The following POU2AF1 variants were observed in gnomAD, a reference collection of about 807,000 sequenced individuals.
The protein encoded by POU2AF1 is POU domain class 2-associating factor 1.
A neutral mutation model predicts 26.3 loss-of-function variants in POU2AF1; 12 were observed. That is an observed-to-expected ratio of 0.46 (90% CI 0.29 to 0.74). The LOEUF (loss-of-function observed/expected upper bound fraction) is 0.74, where lower values mean the gene tolerates loss of function less well. Among genes scored for constraint, POU2AF1 ranks in the 30% least tolerant of loss-of-function variants. The pLI, the probability that POU2AF1 is intolerant of heterozygous loss-of-function variation, is 0.09. For synonymous variants in POU2AF1, 175 were observed against 148.0 expected (o/e 1.18, Z -1.32); for missense variants, 297 against 334.5 (o/e 0.89, Z 0.87).
chr11:111,356,341 T>C (rs1254339911), intron 4 of POU2AF1, among the ~76,000 whole-genome samples: 1 of 152,156 alleles, frequency 6.6e-6, no homozygotes, highest in African/African-American at 2.4e-5. Context: ...GTTTGCTGGG[T>C]AGGCAGGTGG....
chr11:111,358,344 T>TCACA (rs1489593290), intron 2 of POU2AF1, among the ~76,000 whole-genome samples: 43 of 52,864 alleles, frequency 8.1e-4, no homozygotes, highest in Middle Eastern at 7.9e-3. Flanking sequence ...ACTCTCACAC[T>TCACA]CTCACACTCA....
At chr11:111,365,305 A>G (rs1861084153) in intron 1 of POU2AF1, among the ~76,000 whole-genome samples, 2 of 152,200 alleles carry the variant, frequency 1.3e-5, no homozygotes, top group South Asian at 4.1e-4. Context: ...GACATTGGAG[A>G]AAGGGAGTGG....
intron 4 of POU2AF1, among the ~76,000 whole-genome samples, chr11:111,356,738 T>C (rs1447200043): frequency 6.6e-6 from 1 of 152,190 alleles, no homozygotes; most frequent in Non-Finnish European, 1.5e-5. Context: ...AACTAACATA[T>C]ATTAGTGGTT....
rs1161459332 is a variant in POU2AF1, at chr11:111,354,212, C to T, written c.*49G>A. ...TGAACCTGGGGCTCAATTCCAGGCT[C>T]ATTTTAAAATCCCAGTTTCAGGGAA... On this transcript the variant is annotated 3_prime_UTR_variant, in exon 5 of 5. Coordinates refer to ENST00000393067, the MANE Select transcript of POU2AF1 (RefSeq NM_006235.3). The T allele has an allele frequency of 3.8e-6, 6 of 1,588,480 alleles. No individual in the cohort carries two copies. The African/African-American group carries it at 6.8e-5, about 18-fold the overall frequency.
chr11:111,366,610 G>A (rs1350039560), intron 1 of POU2AF1, among the ~76,000 whole-genome samples: 1 of 152,126 alleles, frequency 6.6e-6, no homozygotes, highest in Non-Finnish European at 1.5e-5. Flanking sequence ...CTTCCCATCA[G>A]CCCTGAAGAT....
chr11:111,377,900 T>A (rs1490660143), intron 1 of POU2AF1: 1 of 178,922 alleles, frequency 5.6e-6, no homozygotes, highest in African/African-American at 2.4e-5. Context: ...TTCCTAGTTA[T>A]CTTGGAAGGA....
rs1362647375 is a variant in POU2AF1, at chr11:111,363,536, G to A, written c.17-4618C>T. On this transcript the variant is annotated intron_variant, in intron 1 of 4. Transcript: ENST00000393067. ...AGCCCACAAATACAAATTTGGGAGA[G>A]GAAAAAAGTTTGTCTAAAATCACGG... is the stretch of plus-strand genomic sequence containing the variant. 4.1e-6 allele frequency: 4 copies of A among 965,848 alleles called. No homozygotes were observed. The African/African-American group carries it at 7.0e-5, about 17-fold the overall frequency. 59.8% of individuals were successfully genotyped at this position (965,848 alleles called of 1,614,324 possible). A position where few individuals can be genotyped will look rare whatever the true frequency, so the allele number is the denominator to read the frequency against.
In POU2AF1 at chr11:111,357,680, A is replaced by G. The variant is rs999737457; in HGVS notation, c.221T>C (p.Val74Ala). 1.9e-6 allele frequency: 3 copies of G among 1,613,140 alleles called. No homozygotes were observed. The highest frequency in any genetic ancestry group is 2.7e-5 in the African/African-American group (2 of 74,914). The stretch of plus-strand genomic sequence containing the variant: ...GGCAGCCTCCTCTGTCACTGCAGAC[A>G]CAGAACCTTCCATGTCCAGGCAGGA... ...GPSCLDMEGS[V>A]SAVTEEAALC... is the part of the protein sequence containing the mutation. The change falls in exon 4 of 5, where the codon GTG (valine) becomes GCG (alanine). Residue 74 changes from valine (V) to alanine (A), a missense_variant. Physicochemically the swap from Val to Ala is moderately conservative, Grantham distance 64 (BLOSUM62 0). Coordinates refer to ENST00000393067, the MANE Select transcript of POU2AF1 (RefSeq NM_006235.3).
At chr11:111,356,460 G>A (rs537717393) in intron 4 of POU2AF1, among the ~76,000 whole-genome samples, 3 of 152,312 alleles carry the variant, frequency 2.0e-5, no homozygotes, top group African/African-American at 7.2e-5. Context: ...GAGACAAGGT[G>A]GACCAAAGCA....
At chr11:111,378,269 C>G (rs7107388) in intron 1 of POU2AF1, among the ~76,000 whole-genome samples, 102,946 of 151,658 alleles carry the variant, frequency 0.68, 35,722 homozygotes, top group Admixed American at 0.78. Flanking sequence ...TTAATTAAAA[C>G]GAATTTTAAG....
chr11:111,352,596 C>G lies in POU2AF1; in HGVS notation c.*1665G>C, dbSNP rs1178180713. The G allele has an allele frequency of 5.6e-6, 1 of 179,744 alleles. No individual in the cohort carries two copies. The highest frequency in any genetic ancestry group is 1.2e-5 in the Non-Finnish European group (1 of 83,966). The allele number at this position is 179,744 out of a possible 1,614,324, so 11.1% of individuals were successfully genotyped here. ...TGTTTGCGTGGAGGGGGCCTTGGTT[C>G]CACAGAATGGTGGCTTATGGACGCT... On this transcript the variant is annotated 3_prime_UTR_variant, in exon 5 of 5. Transcript: ENST00000393067.
intron 1 of POU2AF1, among the ~76,000 whole-genome samples, chr11:111,367,383 A>T (rs1051998672): frequency 6.6e-6 from 1 of 152,086 alleles, no homozygotes; most frequent in African/African-American, 2.4e-5. Flanking sequence ...TTTGACACTA[A>T]TGATTGCAGA....
At chr11:111,363,532 G>A (rs767892457) in intron 1 of POU2AF1, 15 of 975,780 alleles carry the variant, frequency 1.5e-5, no homozygotes, top group African/African-American at 1.7e-5. Flanking sequence ...ACAAATTTGG[G>A]AGAGGAAAAA....
intron 1 of POU2AF1, among the ~76,000 whole-genome samples, chr11:111,372,051 C>CAGAG (rs1374875953): frequency 0.016 from 1,586 of 101,524 alleles, 24 homozygotes; most frequent in Non-Finnish European, 0.019. Context: ...CACACACACA[C>CAGAG]ACACACACAC....
In POU2AF1 at chr11:111,357,570, G is replaced by A. The variant is rs1860872240; in HGVS notation, c.331C>T (p.His111Tyr). The A allele has an allele frequency of 6.2e-7, 1 of 1,614,154 alleles. No individual in the cohort carries two copies. Among genetic ancestry groups the A allele is most frequent in the Non-Finnish European group, 8.5e-7 (1 of 1,180,002 alleles). ...PWTPYTEYVP[H>Y]EAVSCPYSAD... Reference sequence around the variant, plus strand: ...GAGTAGGGGCAGCTGACAGCTTCATGGGGCACATACTCGGTGTAAGGTGTC... The same window carrying A: ...GAGTAGGGGCAGCTGACAGCTTCATAGGGCACATACTCGGTGTAAGGTGTC... Residue 111 changes from histidine to tyrosine, a missense_variant, in exon 4 of 5, where the codon CAT becomes TAT. By Grantham distance (83) the His-to-Tyr change is moderately conservative (BLOSUM62 2). Transcript: ENST00000393067.
In POU2AF1 at chr11:111,357,839, T is replaced by G; in HGVS notation, c.148-2A>C. On this transcript the variant is annotated splice_acceptor_variant, in intron 2 of 4. Coordinates refer to ENST00000393067, the MANE Select transcript of POU2AF1 (RefSeq NM_006235.3). LOFTEE classifies it high-confidence loss of function. ...CAGGGGCTGATGGGGCAGCACCACC[T>G]AGAGGGGAGAGGAGAAGACCAGGGT... 2 of 1,606,910 alleles carry G rather than the reference T, an allele frequency of 1.2e-6. No individual in the cohort carries two copies. The highest frequency in any genetic ancestry group is 1.7e-5 in the Admixed American group (1 of 58,284).
intron 2 of POU2AF1, among the ~76,000 whole-genome samples, chr11:111,358,049 G>T (rs1405130625): frequency 6.6e-6 from 1 of 152,104 alleles, no homozygotes; most frequent in Non-Finnish European, 1.5e-5. Flanking sequence ...CGCTCAGGGA[G>T]CTGGTGTCTT....
Position 111,352,991 on chromosome 11 carries a change from AAAGAAGGAAGGAAG to A in POU2AF1, c.*1256_*1269del, listed in dbSNP as rs1860759950. On this transcript the variant is annotated 3_prime_UTR_variant, in exon 5 of 5. Transcript: ENST00000393067. ...GAAGGAAGGAAGGAAGGAAGGAAGG[AAAGAAGGAAGGAAG>A]GAAGGAAGGAAGGAAGGAAGGAAGG... is the stretch of plus-strand genomic sequence containing the variant. 4.2e-5 allele frequency: 3 copies of A among 71,784 alleles called. No homozygotes were observed. The highest frequency in any genetic ancestry group is 2.6e-4 in the African/African-American group (3 of 11,402). The allele number at this position is 71,784 out of a possible 1,614,324, so 4.4% of individuals were successfully genotyped here.
chr11:111,367,080 G>A (rs894600979), intron 1 of POU2AF1, among the ~76,000 whole-genome samples: 13 of 152,166 alleles, frequency 8.5e-5, no homozygotes, highest in Admixed American at 6.5e-5. Context: ...AAGGCCTTGA[G>A]TGCGAGAGGT....
Sources: gnomAD v4.1 joint callset for allele counts (sites outside exome capture counted in the v4.1 genomes callset) on GRCh38, gnomAD v4.1.1 for gene constraint, MANE v1.5 for transcripts, NCBI Gene and HGNC (gene_info 2026-07-23, HGNC 2026-07-21) for gene names.